Variants in IPCEF1 observed in about 807,000 individuals in gnomAD.
The protein encoded by IPCEF1 is interaction protein for cytohesin exchange factors 1, also known as interactor protein for cytohesin exchange factors 1.
IPCEF1 carries 31 observed loss-of-function variants against 50.9 expected under a neutral mutation model. That is an observed-to-expected ratio of 0.61 (90% confidence interval 0.46 to 0.82). IPCEF1 has a LOEUF of 0.82. IPCEF1 is among the 40% of genes least tolerant of loss of function. IPCEF1 has a pLI of 0.00. For missense variants in IPCEF1, 458 were observed against 514.0 expected (o/e 0.89, Z 1.05); for synonymous variants, 181 against 192.0 (o/e 0.94, Z 0.47).
chr6:154,247,568 T>G, intron 3 of IPCEF1, 80 bp from the exon 4 acceptor site: 3 of 1,175,580 alleles, frequency 2.6e-6, no homozygotes, highest in South Asian at 1.2e-5. Flanking sequence ...AGGGAGGAGG[T>G]GGCAGTGTTT....
At chr6:154,249,146 T>C (rs1443633898) in intron 3 of IPCEF1, among the ~76,000 whole-genome samples, 1 of 152,260 alleles carries the variant, frequency 6.6e-6, no homozygotes, top group East Asian at 1.9e-4. Context: ...AATCATGGCA[T>C]GTTACTAAAA....
chr6:154,279,688 TCCCATTC>T (rs1782159087), intron 2 of IPCEF1, among the ~76,000 whole-genome samples: 1 of 152,170 alleles, frequency 6.6e-6, no homozygotes, highest in African/African-American at 2.4e-5. Context: ...AATTAAGAAT[TCCCATTC>T]ATCAAAAGAC....
At chr6:154,315,264 C>T (rs2128683210) in intron 1 of IPCEF1, among the ~76,000 whole-genome samples, 1 of 152,292 alleles carries the variant, frequency 6.6e-6, no homozygotes. Context: ...AATATTTTTG[C>T]TCACTCATGT....
At chr6:154,277,127 C>T (rs1337876393) in intron 2 of IPCEF1, among the ~76,000 whole-genome samples, 1 of 152,162 alleles carries the variant, frequency 6.6e-6, no homozygotes, top group African/African-American at 2.4e-5. Context: ...GAAGGGCTCA[C>T]GTCCTGGTCA....
chr6:154,271,560 A>G lies in IPCEF1; in HGVS notation c.-17-5596T>C, dbSNP rs115925286. Among the ~76,000 whole-genome samples, 969 of 152,300 alleles carry G rather than the reference A, an allele frequency of 6.4e-3. 6 individuals carry two copies. The highest frequency in any genetic ancestry group is 0.022 in the African/African-American group (930 of 41,558). ...AGAAGTATAACCTTTTTTACCATCA[A>G]TGTTTACAATATGCCAGAAACCACA... On this transcript the variant is annotated intron_variant, in intron 2 of 11. Transcript: ENST00000367220.
chr6:154,159,882 G>T lies in IPCEF1; in HGVS notation c.1263C>A (p.Thr421=). 1 of 1,613,170 alleles carries T rather than the reference G, an allele frequency of 6.2e-7. No individual in the cohort carries two copies. The highest frequency in any genetic ancestry group is 8.5e-7 in the Non-Finnish European group (1 of 1,179,794). Residue 421 remains threonine, a synonymous_variant, in exon 12 of 12, where the codon ACC becomes ACA. Coordinates refer to ENST00000367220, the MANE Select transcript of IPCEF1 (RefSeq NM_001130700.2). ...ASPAPDDTDD[T]PQELKKSPSS... ...AAGGTGATTTCTTGAGTTCCTGGGG[G>T]GTGTCATCAGTGTCATCAGGGGCAG...
intron 2 of IPCEF1, among the ~76,000 whole-genome samples, chr6:154,285,125 C>T (rs1269783554): frequency 2.6e-5 from 4 of 152,180 alleles, no homozygotes; most frequent in Non-Finnish European, 5.9e-5. Context: ...TTTCTTCAAG[C>T]TCTATTTAAA....
rs146623365 is a variant in IPCEF1, at chr6:154,256,659, G to C, written c.37-9171C>G. Among the ~76,000 whole-genome samples the C allele has an allele frequency of 1.6e-3, 243 of 150,760 alleles. 2 individuals are homozygous for C. Among genetic ancestry groups the C allele is most frequent in the African/African-American group, 5.8e-3 (238 of 40,996 alleles). ...TGTGCTTATGGCTCTCTCTTTTGCT[G>C]TTTAGAAGTTACCTCTAGTTACTGC... is the stretch of plus-strand genomic sequence containing the variant. On this transcript the variant is annotated intron_variant, in intron 3 of 11. Transcript: ENST00000367220.
At chr6:154,225,982 C>T (rs567777296) in intron 5 of IPCEF1, among the ~76,000 whole-genome samples, 1 of 152,328 alleles carries the variant, frequency 6.6e-6, no homozygotes, top group South Asian at 2.1e-4. Context: ...TGCTCCCTCC[C>T]TCTGGAGCCA....
intron 1 of IPCEF1, among the ~76,000 whole-genome samples, chr6:154,333,070 GC>G (rs1783708895): frequency 1.3e-5 from 2 of 152,114 alleles, no homozygotes; most frequent in African/African-American, 4.8e-5. Context: ...GGCTCCCAAC[GC>G]TAGATTAACT....
chr6:154,351,159 C>T (rs1784113318), intron 1 of IPCEF1, among the ~76,000 whole-genome samples: 1 of 152,208 alleles, frequency 6.6e-6, no homozygotes, highest in South Asian at 2.1e-4. Context: ...TGCGGTGTTC[C>T]CGCTAAAAAA....
At chr6:154,225,600 T>C (rs1779188000) in intron 5 of IPCEF1, among the ~76,000 whole-genome samples, 1 of 152,150 alleles carries the variant, frequency 6.6e-6, no homozygotes, top group African/African-American at 2.4e-5. Context: ...CAGTAGGAAA[T>C]AGGGAGCAAC....
chr6:154,264,740 T>C (rs934425156), intron 3 of IPCEF1, among the ~76,000 whole-genome samples: 1 of 152,206 alleles, frequency 6.6e-6, no homozygotes, highest in Admixed American at 6.5e-5. Context: ...TTAATTAGAA[T>C]GAGCACCGGA....
intron 1 of IPCEF1, among the ~76,000 whole-genome samples, chr6:154,302,684 A>G (rs562979288): frequency 3.5e-4 from 54 of 152,230 alleles, no homozygotes; most frequent in South Asian, 6.2e-4. Flanking sequence ...CATGTTGCCC[A>G]GGCTGGTCTC....
intron 1 of IPCEF1, among the ~76,000 whole-genome samples, chr6:154,301,444 G>T (rs1782792774): frequency 6.6e-6 from 1 of 152,170 alleles, no homozygotes; most frequent in South Asian, 2.1e-4. Context: ...TTTGTTAAAT[G>T]TGTCTGTGTG....
At position 154,335,331 on chromosome 6, in the gene IPCEF1, G is replaced by T. The variant is rs184146510; in HGVS notation, c.-62+21341C>A. ...CCACATAATATGTTTTGCCAGGATG[G>T]GACATGAGCTTCTGAACCCCAATGG... On this transcript the variant is annotated intron_variant, in intron 1 of 11. Coordinates refer to ENST00000367220, the MANE Select transcript of IPCEF1 (RefSeq NM_001130700.2). Among the ~76,000 whole-genome samples, 9 of 152,174 alleles carry T rather than the reference G, an allele frequency of 5.9e-5. No individual in the cohort carries two copies. The East Asian group carries it at 9.6e-4, about 16-fold the overall frequency.
rs75433176 is a variant in IPCEF1 at position 154,246,735 on chromosome 6, C to T, written c.102G>A (p.Arg34=). ...CATGGCCCAGATCTTTACACGATAT[C>T]CTCCTCCGACTCATCGTGAGAAAAC... is the stretch of plus-strand genomic sequence containing the variant. ...TQGFLTMSRR[R]ISCKDLGHAD... Residue 34 remains arginine, a synonymous_variant, in exon 5 of 12, where the codon AGG becomes AGA. Coordinates refer to ENST00000367220, the MANE Select transcript of IPCEF1 (RefSeq NM_001130700.2). 1 of 1,613,968 alleles carries T rather than the reference C, an allele frequency of 6.2e-7. No individual in the cohort carries two copies. Among genetic ancestry groups the T allele is most frequent in the Non-Finnish European group, 8.5e-7 (1 of 1,179,942 alleles).
At chr6:154,258,012 C>A (rs1015851595) in intron 3 of IPCEF1, among the ~76,000 whole-genome samples, 6 of 152,126 alleles carry the variant, frequency 3.9e-5, no homozygotes, top group African/African-American at 1.4e-4. Context: ...TAACTTTTTT[C>A]TATTCTGCAG....
chr6:154,218,232 TGGA>T (rs755680903), intron 7 of IPCEF1, among the ~76,000 whole-genome samples: 18 of 152,188 alleles, frequency 1.2e-4, no homozygotes, highest in Non-Finnish European at 2.6e-4. Flanking sequence ...ATGTGTGTGT[TGGA>T]GGAGAACAAG....
Sources: allele counts gnomAD v4.1 joint callset (sites outside exome capture counted in the v4.1 genomes callset), GRCh38; gene constraint gnomAD v4.1.1; transcripts MANE v1.5; gene names NCBI Gene and HGNC (gene_info 2026-07-23, HGNC 2026-07-21).